Variants in CSMD1 observed in about 807,000 individuals in gnomAD.
CSMD1 encodes the protein CUB and Sushi multiple domains 1, also known as CUB and sushi domain-containing protein 1.
CSMD1 carries 213 observed loss-of-function variants against 417.5 expected under a neutral mutation model. The observed-to-expected ratio is 0.51, with a 90% CI of 0.46 to 0.57. The LOEUF is 0.57. CSMD1 is among the 20% of genes least tolerant of loss of function. The pLI is 0.00. For synonymous variants in CSMD1, 2,862 were observed against 1,736.8 expected, an observed-to-expected ratio of 1.65 and a Z score of -16.11; for missense variants, 6,923 against 4,529.7, an observed-to-expected ratio of 1.53 and a Z score of -15.17.
chr8:4,528,199 G>A (rs1181586059), intron 2 of CSMD1, among the ~76,000 whole-genome samples: 1 of 152,152 alleles, frequency 6.6e-6, no homozygotes, highest in Non-Finnish European at 1.5e-5. Flanking sequence ...CATGGCTGCT[G>A]TTTCCAACTT....
At chr8:4,148,791 G>T (rs78526450) in intron 3 of CSMD1, among the ~76,000 whole-genome samples, 3 of 152,078 alleles carry the variant, frequency 2.0e-5, no homozygotes, top group African/African-American at 7.2e-5. Flanking sequence ...ATTTCAACAG[G>T]TGCATTGGGA....
chr8:3,395,319 T>C (rs1422243147), intron 17 of CSMD1, among the ~76,000 whole-genome samples: 1 of 152,212 alleles, frequency 6.6e-6, no homozygotes, highest in African/African-American at 2.4e-5. Flanking sequence ...TTTCTCGCTT[T>C]TTCCGTGCTA....
At chr8:3,836,985 A>T (rs1020165657) in intron 5 of CSMD1, among the ~76,000 whole-genome samples, 2 of 151,924 alleles carry the variant, frequency 1.3e-5, no homozygotes, top group Non-Finnish European at 2.9e-5. Flanking sequence ...CAGAACTAAG[A>T]TCCTTAATTA....
At chr8:4,560,785 G>T (rs1798295047) in intron 2 of CSMD1, among the ~76,000 whole-genome samples, 2 of 152,180 alleles carry the variant, frequency 1.3e-5, no homozygotes, top group Non-Finnish European at 1.5e-5. Flanking sequence ...CTGCACTGTA[G>T]CCTGAAGACT....
chr8:4,925,896 T>A (rs553947429), intron 1 of CSMD1, among the ~76,000 whole-genome samples: 233 of 152,328 alleles, frequency 1.5e-3, no homozygotes, highest in Non-Finnish European at 3.0e-3. Context: ...ATGCTCAGTA[T>A]GCAAAACATA....
At chr8:3,994,383 A>C (rs941477109) in intron 5 of CSMD1, among the ~76,000 whole-genome samples, 1 of 148,066 alleles carries the variant, frequency 6.8e-6, no homozygotes, top group African/African-American at 2.5e-5. Context: ...AAATGAAATC[A>C]ATTTTCTTTC....
chr8:3,461,487 C>G (rs77822102), intron 12 of CSMD1, among the ~76,000 whole-genome samples: 4,755 of 152,284 alleles, frequency 0.031, 269 homozygotes, highest in African/African-American at 0.11. Context: ...GCTGTCTCAC[C>G]TCCACCCCAG....
intron 3 of CSMD1, among the ~76,000 whole-genome samples, chr8:4,369,533 G>A (rs1802281587): frequency 6.6e-6 from 1 of 152,182 alleles, no homozygotes. Flanking sequence ...AACACCGTCA[G>A]TGCAGTATTG....
At chr8:4,136,005 C>T (rs1366575286) in intron 3 of CSMD1, among the ~76,000 whole-genome samples, 3 of 151,998 alleles carry the variant, frequency 2.0e-5, no homozygotes, top group Admixed American at 6.6e-5. Flanking sequence ...AAATTGAATT[C>T]AATTTCAAAA....
At chr8:4,475,122 C>T (rs1460055582) in intron 2 of CSMD1, among the ~76,000 whole-genome samples, 2 of 152,032 alleles carry the variant, frequency 1.3e-5, no homozygotes, top group East Asian at 1.9e-4. Flanking sequence ...TTTTAGGATG[C>T]TTTATTATGT....
At chr8:4,368,175 C>G (rs1309895857) in intron 3 of CSMD1, among the ~76,000 whole-genome samples, 2 of 152,030 alleles carry the variant, frequency 1.3e-5, no homozygotes, top group South Asian at 2.1e-4. Flanking sequence ...CCTTCAATGC[C>G]TAATTTGTTG....
chr8:3,649,912 A>G (rs562178539), intron 7 of CSMD1, among the ~76,000 whole-genome samples: 2 of 152,188 alleles, frequency 1.3e-5, no homozygotes, highest in South Asian at 2.1e-4. Context: ...AGCTTTGTGC[A>G]TGGTATATGT....
intron 11 of CSMD1, among the ~76,000 whole-genome samples, chr8:3,479,173 C>G (rs767382156): frequency 2.0e-5 from 3 of 152,166 alleles, no homozygotes; most frequent in Non-Finnish European, 2.9e-5. Flanking sequence ...ACCTCCTCCC[C>G]AGCCCACAAA....
chr8:3,632,724 A>T (rs773712190), intron 7 of CSMD1, among the ~76,000 whole-genome samples: 25 of 152,124 alleles, frequency 1.6e-4, no homozygotes, highest in East Asian at 5.8e-4. Context: ...AGTTAAAAAG[A>T]TGACCACACC....
At chr8:3,770,702 T>G (rs951423712) in intron 5 of CSMD1, among the ~76,000 whole-genome samples, 1 of 152,142 alleles carries the variant, frequency 6.6e-6, no homozygotes, top group Non-Finnish European at 1.5e-5. Flanking sequence ...TCTAATTTCA[T>G]GTCACTGTAA....
chr8:4,978,190 T>C (rs1810673456), intron 1 of CSMD1, among the ~76,000 whole-genome samples: 1 of 152,212 alleles, frequency 6.6e-6, no homozygotes, highest in Non-Finnish European at 1.5e-5. Flanking sequence ...TTTATTTTTA[T>C]ATTATAACTT....
In CSMD1 at chr8:4,501,398, C is replaced by T. The variant is rs1802252366; in HGVS notation, c.303-81333G>A. On this transcript the variant is annotated intron_variant, in intron 2 of 69. Coordinates refer to ENST00000635120, the MANE Select transcript of CSMD1 (RefSeq NM_033225.6). ...GCATCATTTAAACAACTATTTTAGG[C>T]AATAGAACGTAGAGCAAAGGGAAGA... Among the ~76,000 whole-genome samples, 5 of 151,988 alleles carry T rather than the reference C, an allele frequency of 3.3e-5. No homozygotes were observed. The South Asian group carries it at 1.0e-3, about 32-fold the overall frequency.
chr8:4,848,392 A>C (rs78300476), intron 1 of CSMD1, among the ~76,000 whole-genome samples: 2,375 of 152,232 alleles, frequency 0.016, 67 homozygotes, highest in African/African-American at 0.054. Context: ...GGAGCTGAAA[A>C]ATTCCTATGA....
intron 26 of CSMD1, among the ~76,000 whole-genome samples, chr8:3,233,761 T>G (rs1352944665): frequency 6.6e-6 from 1 of 152,246 alleles, no homozygotes; most frequent in African/African-American, 2.4e-5. Context: ...CTGGGGAACT[T>G]GACTTATGGT....
Sources: allele counts gnomAD v4.1 joint callset (sites outside exome capture counted in the v4.1 genomes callset), GRCh38; gene constraint gnomAD v4.1.1; transcripts MANE v1.5; gene names NCBI Gene and HGNC (gene_info 2026-07-23, HGNC 2026-07-21).